Variants in CAMK1D observed in about 807,000 individuals in gnomAD.
The protein encoded by CAMK1D is calcium/calmodulin dependent protein kinase ID.
CAMK1D carries 9 observed loss-of-function variants against 47.7 expected under a neutral mutation model. That is an observed-to-expected ratio of 0.19 (90% confidence interval 0.11 to 0.33). The LOEUF (loss-of-function observed/expected upper bound fraction) is 0.33, where lower values mean the gene tolerates loss of function less well. CAMK1D is among the 10% of genes least tolerant of loss of function. The probability of loss-of-function intolerance (pLI) is 1.00; values close to 1 mark genes in which losing one functional copy is unlikely to be tolerated. For missense variants in CAMK1D, 291 were observed against 488.7 expected, an observed-to-expected ratio of 0.60 and a Z score of 3.81; for synonymous variants, 184 against 184.9, an observed-to-expected ratio of 0.99 and a Z score of 0.04.
chr10:12,367,725 C>T lies in CAMK1D; in HGVS notation c.92+17815C>T, dbSNP rs78236565. Among the ~76,000 whole-genome samples the T allele has an allele frequency of 3.6e-3, 548 of 152,198 alleles. 7 individuals carry two copies. In the East Asian group the frequency reaches 0.036, roughly 10 times the overall value. On this transcript the variant is annotated intron_variant, in intron 1 of 10. Coordinates refer to ENST00000619168, the MANE Select transcript of CAMK1D (RefSeq NM_153498.4). ...GATGAGACTCTAATGCCACCGCTGA[C>T]TGAACGGGAGGTGGAGCTCAGGCAG...
intron 5 of CAMK1D, among the ~76,000 whole-genome samples, chr10:12,788,854 C>G (rs1183976750): frequency 6.6e-6 from 1 of 152,208 alleles, no homozygotes; most frequent in Non-Finnish European, 1.5e-5. Context: ...TTTGCTGCCG[C>G]TTTGAGGGTG....
At chr10:12,376,283 C>T (rs2131865183) in intron 1 of CAMK1D, among the ~76,000 whole-genome samples, 1 of 152,132 alleles carries the variant, frequency 6.6e-6, no homozygotes, top group Non-Finnish European at 1.5e-5. Context: ...CATCACCAAC[C>T]CTGTGGCTTA....
intron 1 of CAMK1D, among the ~76,000 whole-genome samples, chr10:12,387,831 C>G (rs1000406346): frequency 7.9e-5 from 12 of 152,034 alleles, no homozygotes; most frequent in Non-Finnish European, 1.6e-4. Context: ...TCAATAAATG[C>G]TAACTATCCT....
At chr10:12,502,458 G>A (rs1002801708) in intron 1 of CAMK1D, among the ~76,000 whole-genome samples, 13 of 152,084 alleles carry the variant, frequency 8.5e-5, no homozygotes, top group African/African-American at 2.9e-4. Context: ...GCAGGTCCTC[G>A]GCCGCAGGAC....
chr10:12,563,496 C>G (rs559880402), intron 2 of CAMK1D, among the ~76,000 whole-genome samples: 3 of 152,196 alleles, frequency 2.0e-5, no homozygotes, highest in Non-Finnish European at 4.4e-5. Flanking sequence ...CTAATCTCTT[C>G]CAGAAATTCC....
chr10:12,802,728 G>A lies in CAMK1D; in HGVS notation c.642-11467G>A, dbSNP rs545091303. 2.2e-4 allele frequency among the ~76,000 whole-genome samples: 33 copies of A among 152,278 alleles called. No individual in the cohort carries two copies. In the Middle Eastern group the frequency reaches 0.017, roughly 78 times the overall value. The stretch of plus-strand genomic sequence containing the variant: ...GTAGAGATGGGGTTTCACCATGTTG[G>A]CCAGGCTGGTCTTGAACTACTGACC... On this transcript the variant is annotated intron_variant, in intron 6 of 10. Coordinates refer to ENST00000619168, the MANE Select transcript of CAMK1D (RefSeq NM_153498.4).
At chr10:12,722,370 C>T (rs569552696) in intron 3 of CAMK1D, among the ~76,000 whole-genome samples, 5 of 133,810 alleles carry the variant, frequency 3.7e-5, no homozygotes, top group African/African-American at 1.4e-4. Flanking sequence ...GGTGTGAACC[C>T]AGGAGGCAGA....
chr10:12,388,447 G>A (rs1838601619), intron 1 of CAMK1D, among the ~76,000 whole-genome samples: 1 of 152,134 alleles, frequency 6.6e-6, no homozygotes, highest in African/African-American at 2.4e-5. Context: ...TAAGAGTGTC[G>A]AGGTTTAGAG....
At chr10:12,387,908 C>T (rs1290486414) in intron 1 of CAMK1D, among the ~76,000 whole-genome samples, 3 of 152,154 alleles carry the variant, frequency 2.0e-5, no homozygotes, top group Non-Finnish European at 2.9e-5. Flanking sequence ...ATTTCCCTTT[C>T]GCCCCTGCTG....
At chr10:12,599,014 A>T (rs1446629028) in intron 2 of CAMK1D, among the ~76,000 whole-genome samples, 1 of 152,210 alleles carries the variant, frequency 6.6e-6, no homozygotes, top group African/African-American at 2.4e-5. Flanking sequence ...ATGCTCAGGT[A>T]TTCATAGAAT....
At chr10:12,760,555 A>T (rs1836454285) in intron 3 of CAMK1D, 1 of 162,234 alleles carries the variant, frequency 6.2e-6, no homozygotes, top group Admixed American at 5.9e-5. Context: ...TTTGCCCACA[A>T]CACTCTCGGT....
At position 12,778,178 on chromosome 10, in the gene CAMK1D, T is replaced by C. The variant is rs76731379; in HGVS notation, c.565+8379T>C. On this transcript the variant is annotated intron_variant, in intron 5 of 10. Transcript: ENST00000619168. ...TGTGAATCACCATTTGATTATTATC[T>C]AAATGACTATTCAGCTGAATAGTTA... Among the ~76,000 whole-genome samples, 5 of 152,370 alleles carry C rather than the reference T, an allele frequency of 3.3e-5. No individual in the cohort carries two copies. The East Asian group carries it at 9.6e-4, about 29-fold the overall frequency.
chr10:12,624,912 C>T (rs1266629385), intron 2 of CAMK1D, among the ~76,000 whole-genome samples: 1 of 152,194 alleles, frequency 6.6e-6, no homozygotes, highest in Non-Finnish European at 1.5e-5. Context: ...CCCAGGTTTC[C>T]TGGCTGACAG....
At chr10:12,726,523 C>T (rs1044418343) in intron 3 of CAMK1D, among the ~76,000 whole-genome samples, 2 of 152,096 alleles carry the variant, frequency 1.3e-5, no homozygotes, top group South Asian at 2.1e-4. Flanking sequence ...GACCTAGTGC[C>T]GCAGGAGAAT....
chr10:12,776,379 A>G (rs2493773), intron 5 of CAMK1D, among the ~76,000 whole-genome samples: 148,456 of 152,296 alleles, frequency 0.97, 72,469 homozygotes, highest in Middle Eastern at 1. Context: ...TCAATTTGTT[A>G]AAGTTGACTA....
intron 6 of CAMK1D, among the ~76,000 whole-genome samples, chr10:12,797,268 A>G (rs1001840621): frequency 6.6e-6 from 1 of 150,544 alleles, no homozygotes; most frequent in African/African-American, 2.5e-5. Context: ...GTGCAATCAT[A>G]GTTCAATGCA....
At position 12,548,447 on chromosome 10, in the gene CAMK1D, C is replaced by CTTTT. The variant is rs35061502; in HGVS notation, c.93-4759_93-4756dup. On this transcript the variant is annotated intron_variant, in intron 1 of 10. Transcript: ENST00000619168. ...ATAACATAAACTTTACCATTTTAAGCTTTTTTTTTTTTTTTTTTTTTTGCT... is the reference window on the plus strand; with the variant it reads ...ATAACATAAACTTTACCATTTTAAGCTTTTTTTTTTTTTTTTTTTTTTTTTTGCT... Among the ~76,000 whole-genome samples, 294 of 81,196 alleles carry CTTTT rather than the reference C, an allele frequency of 3.6e-3. 2 individuals carry two copies. The highest frequency in any genetic ancestry group is 9.8e-3 in the Middle Eastern group (1 of 102). The allele number at this position is 81,196 out of a possible 152,430, so 53.3% of individuals were successfully genotyped here.
At chr10:12,465,645 G>C (rs1383022082) in intron 1 of CAMK1D, among the ~76,000 whole-genome samples, 2 of 152,292 alleles carry the variant, frequency 1.3e-5, no homozygotes, top group Admixed American at 6.5e-5. Context: ...GTGAGCCCCT[G>C]TGCCCAGCTG....
At chr10:12,582,645 G>T (rs980551636) in intron 2 of CAMK1D, among the ~76,000 whole-genome samples, 1 of 152,160 alleles carries the variant, frequency 6.6e-6, no homozygotes, top group Non-Finnish European at 1.5e-5. Flanking sequence ...TATAAAAGGG[G>T]TTGAGTTCTT....
Sources: allele counts gnomAD v4.1 joint callset (sites outside exome capture counted in the v4.1 genomes callset), GRCh38; gene constraint gnomAD v4.1.1; transcripts MANE v1.5; gene names NCBI Gene and HGNC (gene_info 2026-07-23, HGNC 2026-07-21).